The following PCDHA6 variants were observed in gnomAD, a reference collection of about 807,000 sequenced individuals.
PCDHA6 encodes the protein protocadherin alpha-6.
In PCDHA6, 55 loss-of-function variants were observed where a neutral mutation model predicts 60.3. That is an observed-to-expected ratio of 0.91 (90% CI 0.73 to 1.14). The LOEUF is 1.14. Ranked by LOEUF, PCDHA6 falls within the 50% of genes most tolerant of loss-of-function variation. The pLI, the probability that PCDHA6 is intolerant of heterozygous loss-of-function variation, is 0.00. For synonymous variants in PCDHA6, 652 were observed against 557.9 expected (o/e 1.17, Z -2.38); for missense variants, 1,327 against 1,256.5 (o/e 1.06, Z -0.85).
At chr5:140,853,460 T>C in intron 1 of PCDHA6, 2 of 974,384 alleles carry the variant, frequency 2.1e-6, no homozygotes, top group Non-Finnish European at 2.5e-6. Flanking sequence ...TCTCCTTATA[T>C]GCATCTGTAG....
chr5:140,923,885 AGAG>A (rs1190900836), intron 1 of PCDHA6, among the ~76,000 whole-genome samples: 7 of 152,210 alleles, frequency 4.6e-5, no homozygotes, highest in Non-Finnish European at 8.8e-5. Flanking sequence ...AGCGTGTGAA[AGAG>A]GAGGAGTTTC....
intron 1 of PCDHA6, among the ~76,000 whole-genome samples, chr5:140,900,751 G>A (rs781973754): frequency 1.3e-5 from 2 of 152,060 alleles, no homozygotes; most frequent in African/African-American, 2.4e-5. Context: ...GGATCACTTG[G>A]TAGCTCTATT....
chr5:140,878,406 T>A (rs1198360264), intron 1 of PCDHA6, among the ~76,000 whole-genome samples: 2 of 152,254 alleles, frequency 1.3e-5, no homozygotes, highest in Non-Finnish European at 2.9e-5. Flanking sequence ...CAAAATATCT[T>A]CTTTATTTCA....
rs2098421437 is a variant in PCDHA6, at chr5:141,011,660, T to G, written c.*1723T>G. The G allele has an allele frequency of 6.5e-6, 1 of 153,726 alleles. No individual in the cohort carries two copies. Among genetic ancestry groups the G allele is most frequent in the African/African-American group, 2.4e-5 (1 of 41,436 alleles). The allele number at this position is 153,726 out of a possible 1,614,324, so 9.5% of individuals were successfully genotyped here. On this transcript the variant is annotated 3_prime_UTR_variant, in exon 4 of 4. Coordinates refer to ENST00000529310, the MANE Select transcript of PCDHA6 (RefSeq NM_018909.4). ...GCCAAGACTTCTGCTGGCAAGGGAATGGATAAAGCTGTTTTGTTCTAGTAA... is the reference window on the plus strand; with the variant it reads ...GCCAAGACTTCTGCTGGCAAGGGAAGGGATAAAGCTGTTTTGTTCTAGTAA...
At chr5:140,910,523 T>TC (rs2153515069) in intron 1 of PCDHA6, among the ~76,000 whole-genome samples, 1 of 152,338 alleles carries the variant, frequency 6.6e-6, no homozygotes, top group African/African-American at 2.4e-5. Flanking sequence ...ATGCAGGTAC[T>TC]CCCCTCACAA....
At position 140,858,582 on chromosome 5, in the gene PCDHA6, A is replaced by G; in HGVS notation, c.2394+28097A>G. ...ATTTCTAGTGATACCTTTGTAATAT[A>G]ATTTATTCCAGGAGTTTTAAAATTT... On this transcript the variant is annotated intron_variant, in intron 1 of 3. Transcript: ENST00000529310. The G allele has an allele frequency of 1.5e-6, 2 of 1,346,266 alleles. 1 individual carries two copies. Among genetic ancestry groups the G allele is most frequent in the Non-Finnish European group, 2.0e-6 (2 of 983,500 alleles). The allele number at this position is 1,346,266 out of a possible 1,614,324, so 83.4% of individuals were successfully genotyped here. A position where few individuals can be genotyped will look rare whatever the true frequency, so the allele number is the denominator to read the frequency against.
At chr5:140,858,685 T>C in intron 1 of PCDHA6, 1 of 595,990 alleles carries the variant, frequency 1.7e-6, no homozygotes, top group Non-Finnish European at 2.8e-6. Flanking sequence ...AATACACTAA[T>C]ATTTTCCAAT....
intron 1 of PCDHA6, among the ~76,000 whole-genome samples, chr5:140,950,272 C>G (rs928839890): frequency 2.0e-5 from 3 of 151,950 alleles, no homozygotes; most frequent in Non-Finnish European, 4.4e-5. Flanking sequence ...TCCATAATGT[C>G]TTTTTGCTTC....
chr5:140,886,014 CTA>C (rs1317969139), intron 1 of PCDHA6, among the ~76,000 whole-genome samples: 1 of 152,078 alleles, frequency 6.6e-6, no homozygotes, highest in Non-Finnish European at 1.5e-5. Flanking sequence ...AAGGGAGATG[CTA>C]TGTATTCTTC....
intron 1 of PCDHA6, chr5:140,969,110 C>G (rs1380719565): frequency 2.5e-6 from 4 of 1,614,064 alleles, no homozygotes; most frequent in South Asian, 2.2e-5. Context: ...CATTGAAGTT[C>G]GAGGGAATGG....
chr5:140,882,094 C>G, intron 1 of PCDHA6: 1 of 1,172,684 alleles, frequency 8.5e-7, no homozygotes. Flanking sequence ...TCACTGAGAA[C>G]GTTTCCGCGA....
At chr5:140,870,442 G>C (rs1562644426) in intron 1 of PCDHA6, 2 of 1,614,236 alleles carry the variant, frequency 1.2e-6, no homozygotes, top group Non-Finnish European at 1.7e-6. Context: ...GGTGGCCGAC[G>C]TGAACGACAA....
At chr5:140,875,546 AGGTGGGGAGCG>A in intron 1 of PCDHA6, 1 of 1,614,002 alleles carries the variant, frequency 6.2e-7, no homozygotes, top group Non-Finnish European at 8.5e-7. Context: ...GCAGCCTGGG[AGGTGGGGAGCG>A]GCCAGCTCCA....
intron 3 of PCDHA6, among the ~76,000 whole-genome samples, chr5:141,005,531 G>A (rs1441846175): frequency 1.3e-5 from 2 of 151,072 alleles, no homozygotes; most frequent in African/African-American, 4.9e-5. Context: ...GTGAAACCCC[G>A]TCTCTACTAA....
At chr5:140,871,376 G>A in intron 1 of PCDHA6, 2 of 1,614,196 alleles carry the variant, frequency 1.2e-6, no homozygotes, top group Non-Finnish European at 1.7e-6. Flanking sequence ...CAGAGGGTGT[G>A]CTCTGAGGAG....
At chr5:140,936,112 C>T (rs782017334) in intron 1 of PCDHA6, among the ~76,000 whole-genome samples, 2 of 152,008 alleles carry the variant, frequency 1.3e-5, no homozygotes, top group Non-Finnish European at 2.9e-5. Context: ...AGGCTGGTCT[C>T]GAACTCCTGA....
At position 140,950,404 on chromosome 5, in the gene PCDHA6, T is replaced by C. The variant is rs947428237; in HGVS notation, c.2395-28545T>C. ...TTGAATGATATAGAATTCTGGGGGATTGACAGATTTTATTTTCTTCCACTT... is the reference window on the plus strand; with the variant it reads ...TTGAATGATATAGAATTCTGGGGGACTGACAGATTTTATTTTCTTCCACTT... On this transcript the variant is annotated intron_variant, in intron 1 of 3. Coordinates refer to ENST00000529310, the MANE Select transcript of PCDHA6 (RefSeq NM_018909.4). 2.0e-5 allele frequency among the ~76,000 whole-genome samples: 3 copies of C among 152,044 alleles called. 1 individual carries two copies. Among genetic ancestry groups the C allele is most frequent in the East Asian group, 1.9e-4 (1 of 5,204 alleles).
intron 3 of PCDHA6, among the ~76,000 whole-genome samples, chr5:141,008,415 C>T (rs782593921): frequency 2.0e-5 from 3 of 152,138 alleles, no homozygotes; most frequent in Non-Finnish European, 4.4e-5. Flanking sequence ...ATGTCATGGC[C>T]ACTGGGATCA....
intron 1 of PCDHA6, among the ~76,000 whole-genome samples, chr5:140,976,780 A>G (rs2096731008): frequency 6.6e-6 from 1 of 152,224 alleles, no homozygotes; most frequent in Non-Finnish European, 1.5e-5. Context: ...CTCTGACTAT[A>G]TAGCTACGCT....
Sources: gnomAD v4.1 joint callset for allele counts (sites outside exome capture counted in the v4.1 genomes callset) on GRCh38, gnomAD v4.1.1 for gene constraint, MANE v1.5 for transcripts, NCBI Gene and HGNC (gene_info 2026-07-23, HGNC 2026-07-21) for gene names.